The following BMPR1B variants were observed in gnomAD, a reference collection of about 807,000 sequenced individuals.
The protein encoded by BMPR1B is bone morphogenetic protein receptor type-1B.
A neutral mutation model predicts 59.1 loss-of-function variants in BMPR1B; 12 were observed. That is an observed-to-expected ratio of 0.20 (90% CI 0.13 to 0.33). The LOEUF is 0.33. Among genes scored for constraint, BMPR1B ranks in the 10% least tolerant of loss-of-function variants. The pLI is 1.00. For missense variants in BMPR1B, 550 were observed against 610.9 expected (o/e 0.90, Z 1.05); for synonymous variants, 237 against 207.3 (o/e 1.14, Z -1.23).
intron 2 of BMPR1B, among the ~76,000 whole-genome samples, chr4:94,921,543 T>TG (rs1351063182): frequency 2.6e-5 from 4 of 151,834 alleles, no homozygotes; most frequent in East Asian, 1.9e-4. Context: ...GACAGAGGAA[T>TG]GGGGGGAGGT....
intron 1 of BMPR1B, among the ~76,000 whole-genome samples, chr4:94,762,239 G>C (rs1487163036): frequency 6.6e-6 from 1 of 152,192 alleles, no homozygotes; most frequent in Non-Finnish European, 1.5e-5. Context: ...GTGACTATAA[G>C]AGACACAGAT....
At position 94,934,857 on chromosome 4, in the gene BMPR1B, G is replaced by A. The variant is rs141150952; in HGVS notation, c.-113+58957G>A. ...TAGTTTTCTTTTTTCATATTTTATA[G>A]TAGTACCAAATGAAACTTTCACATT... On this transcript the variant is annotated intron_variant, in intron 2 of 12. Coordinates refer to ENST00000515059, the MANE Select transcript of BMPR1B (RefSeq NM_001203.3). Among the ~76,000 whole-genome samples the A allele has an allele frequency of 4.8e-3, 726 of 151,908 alleles. 5 individuals carry two copies. The highest frequency in any genetic ancestry group is 0.017 in the African/African-American group (703 of 41,462).
At chr4:95,134,237 G>A (rs10440327) in intron 10 of BMPR1B, among the ~76,000 whole-genome samples, 3,970 of 152,250 alleles carry the variant, frequency 0.026, 148 homozygotes, top group African/African-American at 0.087. Flanking sequence ...ATTCCATGGT[G>A]TATATGTGCC....
rs139531996 is a variant in BMPR1B, at chr4:94,942,506, A to G, written c.-112-53534A>G. 2.4e-3 allele frequency among the ~76,000 whole-genome samples: 358 copies of G among 152,338 alleles called. 2 individuals are homozygous for G. The highest frequency in any genetic ancestry group is 8.3e-3 in the African/African-American group (347 of 41,584). On this transcript the variant is annotated intron_variant, in intron 2 of 12. Transcript: ENST00000515059. The stretch of plus-strand genomic sequence containing the variant: ...AAAAACTATTCTTTACTTGTTATTA[A>G]TCAGCCAAATAAACAAGTCTTAATA...
intron 3 of BMPR1B, among the ~76,000 whole-genome samples, chr4:95,050,707 C>T (rs1428310871): frequency 2.6e-5 from 4 of 152,146 alleles, no homozygotes; most frequent in Admixed American, 6.5e-5. Context: ...CTACTCTACT[C>T]ATAAATCCTT....
intron 3 of BMPR1B, among the ~76,000 whole-genome samples, chr4:95,038,534 A>T (rs1008081047): frequency 2.0e-5 from 3 of 152,200 alleles, no homozygotes; most frequent in African/African-American, 7.2e-5. Context: ...GTGAGGCCAA[A>T]TCCTCTATTG....
chr4:95,080,347 C>A (rs557827263), intron 3 of BMPR1B, among the ~76,000 whole-genome samples: 5 of 152,158 alleles, frequency 3.3e-5, no homozygotes, highest in East Asian at 1.9e-4. Context: ...AGTGATTTAC[C>A]TCCCTCAACC....
intron 1 of BMPR1B, among the ~76,000 whole-genome samples, chr4:94,760,771 A>G (rs2110554459): frequency 6.6e-6 from 1 of 152,338 alleles, no homozygotes; most frequent in East Asian, 1.9e-4. Flanking sequence ...TCAGATGCCC[A>G]GCACAGTACC....
intron 3 of BMPR1B, among the ~76,000 whole-genome samples, chr4:95,037,968 C>T (rs1428586642): frequency 6.6e-6 from 1 of 151,920 alleles, no homozygotes; most frequent in African/African-American, 2.4e-5. Flanking sequence ...ACATAGTAAG[C>T]AAATTATGTA....
At chr4:94,779,948 G>A (rs1034659166) in intron 1 of BMPR1B, among the ~76,000 whole-genome samples, 11 of 152,010 alleles carry the variant, frequency 7.2e-5, no homozygotes, top group Non-Finnish European at 1.6e-4. Flanking sequence ...CTTTGAGATC[G>A]TAAAAGTTCC....
At chr4:94,831,863 G>A (rs534462688) in intron 1 of BMPR1B, among the ~76,000 whole-genome samples, 25 of 152,160 alleles carry the variant, frequency 1.6e-4, no homozygotes, top group African/African-American at 5.1e-4. Flanking sequence ...ATAGGATTGC[G>A]AACCCTACTG....
intron 3 of BMPR1B, among the ~76,000 whole-genome samples, chr4:95,017,824 G>C (rs1723688857): frequency 6.6e-6 from 1 of 152,064 alleles, no homozygotes; most frequent in African/African-American, 2.4e-5. Flanking sequence ...TTATTCTTCA[G>C]GATTTGTAGA....
intron 4 of BMPR1B, among the ~76,000 whole-genome samples, chr4:95,105,447 C>T (rs1453185667): frequency 1.3e-5 from 2 of 151,162 alleles, no homozygotes; most frequent in Non-Finnish European, 2.9e-5. Context: ...CTTCATTAGC[C>T]AGAAGGTACG....
rs535131881 is a variant in BMPR1B, at chr4:94,909,096, G to A, written c.-113+33196G>A. On this transcript the variant is annotated intron_variant, in intron 2 of 12. Transcript: ENST00000515059. ...TTGTGGCTGCATCACTCCAGTCTCT[G>A]CTTTCACATGGCTTTCTTTATGTAT... Among the ~76,000 whole-genome samples the A allele has an allele frequency of 1.7e-4, 26 of 152,052 alleles. No individual in the cohort carries two copies. In the South Asian group the frequency reaches 5.4e-3, roughly 32 times the overall value.
intron 1 of BMPR1B, among the ~76,000 whole-genome samples, chr4:94,778,166 T>C (rs867482776): frequency 4.6e-5 from 7 of 152,310 alleles, no homozygotes; most frequent in Middle Eastern, 6.8e-3. Flanking sequence ...TACCAATAAC[T>C]TGTAAGCCTC....
intron 2 of BMPR1B, among the ~76,000 whole-genome samples, chr4:94,951,369 T>A (rs1348933874): frequency 6.6e-6 from 1 of 152,226 alleles, no homozygotes; most frequent in Non-Finnish European, 1.5e-5. Flanking sequence ...AAAGGAATGC[T>A]TCCAGCTTTT....
At chr4:94,888,629 A>G (rs1727275059) in intron 2 of BMPR1B, among the ~76,000 whole-genome samples, 1 of 152,076 alleles carries the variant, frequency 6.6e-6, no homozygotes, top group Admixed American at 6.6e-5. Flanking sequence ...GAGAGAGATT[A>G]AATAGTACCT....
intron 8 of BMPR1B, among the ~76,000 whole-genome samples, chr4:95,126,618 G>C (rs575620636): frequency 1.5e-4 from 23 of 152,270 alleles, no homozygotes; most frequent in Middle Eastern, 3.4e-3. Context: ...CAGATGATCT[G>C]TGCTCTTAAC....
chr4:94,930,315 A>G (rs145518934), intron 2 of BMPR1B, among the ~76,000 whole-genome samples: 5 of 152,200 alleles, frequency 3.3e-5, no homozygotes, highest in Non-Finnish European at 5.9e-5. Context: ...CACACATTCC[A>G]TGATTAGCTC....
Sources: allele counts gnomAD v4.1 joint callset (sites outside exome capture counted in the v4.1 genomes callset), GRCh38; gene constraint gnomAD v4.1.1; transcripts MANE v1.5; gene names NCBI Gene and HGNC (gene_info 2026-07-23, HGNC 2026-07-21).